Variants in LRMDA observed in about 807,000 individuals in gnomAD.
The protein encoded by LRMDA is leucine rich melanocyte differentiation associated, also known as leucine-rich melanocyte differentiation-associated protein.
In LRMDA, 18 loss-of-function variants were observed where a neutral mutation model predicts 29.8. That is an observed-to-expected ratio of 0.60 (90% CI 0.42 to 0.90). The LOEUF is 0.90. LRMDA is among the 40% of genes least tolerant of loss of function. The probability of loss-of-function intolerance (pLI) is 0.00; values close to 1 mark genes in which losing one functional copy is unlikely to be tolerated. For synonymous variants in LRMDA, 125 were observed against 109.4 expected (o/e 1.14, Z -0.89); for missense variants, 273 against 273.9 (o/e 1.00, Z 0.02).
At chr10:76,048,248 A>C (rs554708417) in intron 4 of LRMDA, among the ~76,000 whole-genome samples, 1 of 152,298 alleles carries the variant, frequency 6.6e-6, no homozygotes, top group African/African-American at 2.4e-5. Context: ...ACACACATTC[A>C]TGCACTTGTT....
intron 5 of LRMDA, among the ~76,000 whole-genome samples, chr10:76,196,782 T>C (rs931723029): frequency 1.1e-4 from 16 of 152,236 alleles, no homozygotes; most frequent in Admixed American, 9.2e-4. Context: ...GTGTAATAAA[T>C]ATGTGCTGAA....
At chr10:76,126,298 G>T (rs1350867282) in intron 5 of LRMDA, among the ~76,000 whole-genome samples, 1 of 152,168 alleles carries the variant, frequency 6.6e-6, no homozygotes, top group Non-Finnish European at 1.5e-5. Context: ...CTAATGTAAT[G>T]ACTTTGGCTT....
chr10:75,762,521 A>G (rs2132228669), intron 2 of LRMDA, among the ~76,000 whole-genome samples: 1 of 152,364 alleles, frequency 6.6e-6, no homozygotes, highest in Admixed American at 6.5e-5. Context: ...ATGTTGACAC[A>G]AGAAACCAGA....
At chr10:76,186,829 T>A (rs1041698861) in intron 5 of LRMDA, among the ~76,000 whole-genome samples, 2 of 152,190 alleles carry the variant, frequency 1.3e-5, no homozygotes, top group East Asian at 3.8e-4. Context: ...TCTCTGCTGG[T>A]TTGTAAAATT....
intron 5 of LRMDA, among the ~76,000 whole-genome samples, chr10:76,291,002 A>G (rs935452216): frequency 9.9e-5 from 15 of 152,234 alleles, no homozygotes; most frequent in African/African-American, 3.6e-4. Flanking sequence ...AGCGAGTACC[A>G]TGACACTTTA....
chr10:75,484,246 G>A (rs1032920706), intron 2 of LRMDA, among the ~76,000 whole-genome samples: 4 of 152,112 alleles, frequency 2.6e-5, no homozygotes, highest in Non-Finnish European at 1.5e-5. Context: ...ATGTGCTACT[G>A]CACCTGGCCC....
intron 6 of LRMDA, among the ~76,000 whole-genome samples, chr10:76,549,831 A>C (rs1045320423): frequency 1.3e-5 from 2 of 152,346 alleles, no homozygotes; most frequent in East Asian, 3.9e-4. Context: ...ACACAAATAC[A>C]TGGGGAGGAA....
intron 2 of LRMDA, among the ~76,000 whole-genome samples, chr10:75,593,350 A>G (rs1209244896): frequency 2.0e-5 from 3 of 152,264 alleles, no homozygotes; most frequent in Non-Finnish European, 1.5e-5. Flanking sequence ...TGCTGAGGAA[A>G]GCAACATTAT....
At chr10:76,153,108 G>A (rs1479972572) in intron 5 of LRMDA, among the ~76,000 whole-genome samples, 1 of 152,012 alleles carries the variant, frequency 6.6e-6, no homozygotes, top group Non-Finnish European at 1.5e-5. Context: ...CAAAGTGCTG[G>A]GATTACAGGC....
At chr10:75,701,183 C>A (rs1842304170) in intron 2 of LRMDA, among the ~76,000 whole-genome samples, 1 of 152,158 alleles carries the variant, frequency 6.6e-6, no homozygotes, top group African/African-American at 2.4e-5. Context: ...TTTCTTGTGG[C>A]AGGCAGCTTT....
chr10:76,103,833 G>A (rs1029205492), intron 5 of LRMDA, among the ~76,000 whole-genome samples: 3 of 151,794 alleles, frequency 2.0e-5, no homozygotes, highest in Admixed American at 6.6e-5. Flanking sequence ...GGTGGATCAC[G>A]AGGTCAGGAG....
At chr10:75,556,406 C>T (rs1220869479) in intron 2 of LRMDA, among the ~76,000 whole-genome samples, 2 of 152,070 alleles carry the variant, frequency 1.3e-5, no homozygotes, top group Non-Finnish European at 2.9e-5. Context: ...ATTCTCTATC[C>T]AGAAGTATCC....
intron 2 of LRMDA, among the ~76,000 whole-genome samples, chr10:75,665,193 G>A (rs1841806792): frequency 6.6e-6 from 1 of 152,204 alleles, no homozygotes; most frequent in Non-Finnish European, 1.5e-5. Flanking sequence ...TCGTCCCTTA[G>A]CTTTCTGTTG....
At chr10:76,411,882 C>T (rs865898981) in intron 6 of LRMDA, among the ~76,000 whole-genome samples, 13 of 152,154 alleles carry the variant, frequency 8.5e-5, no homozygotes, top group African/African-American at 2.2e-4. Flanking sequence ...AAAGCAACAG[C>T]GGGGACAGTG....
chr10:76,317,427 A>C lies in LRMDA; in HGVS notation c.517-6974A>C, dbSNP rs191732605. On this transcript the variant is annotated intron_variant, in intron 5 of 6. Transcript: ENST00000611255. ...CAACCTCTGATAGGACAGATTGAAA[A>C]ATATTTGATGGACTAGGCATTATTT... 2.0e-4 allele frequency among the ~76,000 whole-genome samples: 31 copies of C among 152,264 alleles called. 1 individual carries two copies. The East Asian group carries it at 6.0e-3, about 29-fold the overall frequency.
intron 6 of LRMDA, among the ~76,000 whole-genome samples, chr10:76,407,628 G>A (rs1841916210): frequency 6.6e-6 from 1 of 152,186 alleles, no homozygotes; most frequent in African/African-American, 2.4e-5. Context: ...AGTAAAAAGA[G>A]ACACAGGAGG....
At chr10:76,523,412 A>T (rs1843142136) in intron 6 of LRMDA, among the ~76,000 whole-genome samples, 1 of 152,116 alleles carries the variant, frequency 6.6e-6, no homozygotes, top group Non-Finnish European at 1.5e-5. Flanking sequence ...CCCTCAGGAA[A>T]CACGCCGCTA....
chr10:76,293,181 A>T (rs1840370821), intron 5 of LRMDA, among the ~76,000 whole-genome samples: 2 of 152,146 alleles, frequency 1.3e-5, no homozygotes, highest in Admixed American at 1.3e-4. Context: ...TTGTTTTGCC[A>T]TGTTGGCCAA....
intron 2 of LRMDA, among the ~76,000 whole-genome samples, chr10:76,004,884 C>T (rs1343403588): frequency 1.3e-5 from 2 of 151,968 alleles, no homozygotes; most frequent in African/African-American, 2.4e-5. Flanking sequence ...CCTGCCACCA[C>T]ACCTGGTTAA....
Sources: allele counts gnomAD v4.1 joint callset (sites outside exome capture counted in the v4.1 genomes callset), GRCh38; gene constraint gnomAD v4.1.1; transcripts MANE v1.5; gene names NCBI Gene and HGNC (gene_info 2026-07-23, HGNC 2026-07-21).